Variants in MALRD1 observed in about 807,000 individuals in gnomAD.
MALRD1 encodes the protein MAM and LDL-receptor class A domain-containing protein 1.
A neutral mutation model predicts 242.1 loss-of-function variants in MALRD1; 247 were observed. The ratio of observed to expected loss-of-function variants is 1.02; its 90% CI spans 0.92 to 1.13. The LOEUF (loss-of-function observed/expected upper bound fraction) is 1.13, where lower values mean the gene tolerates loss of function less well. Among genes scored for constraint, MALRD1 ranks in the 50% most tolerant of loss-of-function variants. The probability of loss-of-function intolerance (pLI) is 0.00; values close to 1 mark genes in which losing one functional copy is unlikely to be tolerated. For synonymous variants in MALRD1, 995 were observed against 866.6 expected, an observed-to-expected ratio of 1.15 and a Z score of -2.60; for missense variants, 2,989 against 2,533.1, an observed-to-expected ratio of 1.18 and a Z score of -3.86.
Position 19,414,437 on chromosome 10 carries a change from G to A in MALRD1, c.4845+24828G>A, listed in dbSNP as rs1370681302. On this transcript the variant is annotated intron_variant, in intron 28 of 39. Coordinates refer to ENST00000454679, the MANE Select transcript of MALRD1 (RefSeq NM_001142308.3). ...CATAAAGATCCTAAGTTTTTTATTT[G>A]AGTTATTGGGGTAAAACTTAGGAAA... Among the ~76,000 whole-genome samples the A allele has an allele frequency of 2.0e-5, 3 of 152,236 alleles. No homozygotes were observed. The East Asian group carries it at 5.8e-4, about 29-fold the overall frequency.
chr10:19,285,061 T>C (rs1454339994), intron 21 of MALRD1, among the ~76,000 whole-genome samples: 1 of 124,238 alleles, frequency 8.0e-6, no homozygotes, highest in African/African-American at 3.4e-5. Flanking sequence ...TTTTGAGAAG[T>C]GTCTGTTCAT....
chr10:19,589,641 A>G (rs1367197081), intron 33 of MALRD1, among the ~76,000 whole-genome samples: 1 of 152,016 alleles, frequency 6.6e-6, no homozygotes, highest in Non-Finnish European at 1.5e-5. Flanking sequence ...ATAAAGAAAC[A>G]AACAACCCTA....
chr10:19,452,040 C>T (rs1288112137), intron 29 of MALRD1, among the ~76,000 whole-genome samples: 1 of 152,126 alleles, frequency 6.6e-6, no homozygotes, highest in African/African-American at 2.4e-5. Flanking sequence ...TGAACTCTCT[C>T]CTAGTAACTT....
intron 36 of MALRD1, among the ~76,000 whole-genome samples, chr10:19,638,717 G>A (rs1490405767): frequency 6.6e-6 from 1 of 152,156 alleles, no homozygotes; most frequent in Non-Finnish European, 1.5e-5. Context: ...ATTATGGCAT[G>A]TATTTTAGCC....
rs1589217850 is a variant in MALRD1, at chr10:19,539,852, T to TTGTGTGTG, written c.5478+8505_5478+8506insTGTGTGTG. 1.2e-4 allele frequency among the ~76,000 whole-genome samples: 8 copies of TTGTGTGTG among 64,368 alleles called. No individual in the cohort carries two copies. In the East Asian group the frequency reaches 1.9e-3, roughly 15 times the overall value. The allele number at this position is 64,368 out of a possible 152,430, so 42.2% of individuals were successfully genotyped here. On this transcript the variant is annotated intron_variant, in intron 32 of 39. Transcript: ENST00000454679. The stretch of plus-strand genomic sequence containing the variant: ...CCAGCATGCGCCACCACACCCAGCT[T>TTGTGTGTG]TGTGCGTGTGTGTGTGTGTGTGTGT...
At chr10:19,389,897 A>G (rs1417595146) in intron 28 of MALRD1, among the ~76,000 whole-genome samples, 1 of 152,190 alleles carries the variant, frequency 6.6e-6, no homozygotes, top group Non-Finnish European at 1.5e-5. Flanking sequence ...CCTGGGCTCA[A>G]GCAATCCTCC....
Position 19,517,531 on chromosome 10 carries a change from A to G in MALRD1, c.5321-13663A>G, listed in dbSNP as rs372476925. On this transcript the variant is annotated intron_variant, in intron 31 of 39. Coordinates refer to ENST00000454679, the MANE Select transcript of MALRD1 (RefSeq NM_001142308.3). ...TGTAACTCTAAGTCACCTTTGATAAAGTTCACCCATTTCTGTAGAAAAACA... is the reference window on the plus strand; with the variant it reads ...TGTAACTCTAAGTCACCTTTGATAAGGTTCACCCATTTCTGTAGAAAAACA... 2.1e-3 allele frequency among the ~76,000 whole-genome samples: 319 copies of G among 152,318 alleles called. 1 individual carries two copies. Among genetic ancestry groups the G allele is most frequent in the Middle Eastern group, 6.8e-3 (2 of 294 alleles).
At chr10:19,494,312 C>A (rs1328108840) in intron 30 of MALRD1, among the ~76,000 whole-genome samples, 2 of 152,150 alleles carry the variant, frequency 1.3e-5, no homozygotes, top group African/African-American at 2.4e-5. Flanking sequence ...GTTAAAGGAA[C>A]ATTTGCACAC....
In MALRD1 at chr10:19,357,507, G is replaced by A. The variant is rs143970482; in HGVS notation, c.4441+5210G>A. Among the ~76,000 whole-genome samples the A allele has an allele frequency of 1.4e-4, 22 of 151,926 alleles. No homozygotes were observed. The East Asian group carries it at 3.5e-3, about 24-fold the overall frequency. ...AAGCACGTTTCTTTTATTTGCTTTG[G>A]CAAAATTATATTTCTTGCACATATC... On this transcript the variant is annotated intron_variant, in intron 26 of 39. Transcript: ENST00000454679.
intron 36 of MALRD1, among the ~76,000 whole-genome samples, chr10:19,640,730 AT>A (rs1408411155): frequency 6.6e-6 from 1 of 152,058 alleles, no homozygotes; most frequent in Non-Finnish European, 1.5e-5. Flanking sequence ...TTAAAATTTC[AT>A]TTTTTGAACT....
intron 33 of MALRD1, among the ~76,000 whole-genome samples, chr10:19,589,052 A>C (rs1040612926): frequency 1.3e-5 from 2 of 152,206 alleles, no homozygotes; most frequent in African/African-American, 2.4e-5. Flanking sequence ...TTTATTGTAC[A>C]TTTTAAGCGT....
At chr10:19,592,728 G>GACAC (rs71949886) in intron 33 of MALRD1, among the ~76,000 whole-genome samples, 4,214 of 123,728 alleles carry the variant, frequency 0.034, 178 homozygotes, top group African/African-American at 0.11. Context: ...AAAATATAAA[G>GACAC]ACACACACAC....
chr10:19,480,971 C>A (rs892359654), intron 29 of MALRD1, among the ~76,000 whole-genome samples: 1 of 151,852 alleles, frequency 6.6e-6, no homozygotes, highest in Non-Finnish European at 1.5e-5. Flanking sequence ...AAAATATATC[C>A]ATGCACAAAA....
intron 1 of MALRD1, among the ~76,000 whole-genome samples, chr10:19,061,606 G>A (rs1412405788): frequency 1.3e-5 from 2 of 152,122 alleles, no homozygotes; most frequent in Non-Finnish European, 2.9e-5. Flanking sequence ...CTAGACCATG[G>A]AATAGAATAG....
At chr10:19,370,922 T>A (rs981112856) in intron 26 of MALRD1, among the ~76,000 whole-genome samples, 2 of 151,920 alleles carry the variant, frequency 1.3e-5, no homozygotes, top group Admixed American at 1.3e-4. Context: ...TCTTTATAAT[T>A]TAAAATTATA....
chr10:19,427,543 A>G (rs1833948455), intron 28 of MALRD1, among the ~76,000 whole-genome samples: 1 of 152,164 alleles, frequency 6.6e-6, no homozygotes, highest in Non-Finnish European at 1.5e-5. Context: ...TCTAGTTCCT[A>G]GTAGTGGATG....
At chr10:19,230,390 G>C (rs928618970) in intron 18 of MALRD1, among the ~76,000 whole-genome samples, 14 of 152,042 alleles carry the variant, frequency 9.2e-5, no homozygotes, top group Non-Finnish European at 1.6e-4. Context: ...CTGCTTCCAG[G>C]GGGGGCCTCA....
At position 19,175,294 on chromosome 10, in the gene MALRD1, T is replaced by A; in HGVS notation, c.1917T>A (p.Tyr639Ter). Residue 639 changes from tyrosine to a stop codon, truncating the protein, a stop_gained, in exon 14 of 40, where the codon TAT becomes TAA. Transcript: ENST00000454679. LOFTEE classifies it high-confidence loss of function. ...TGTCCCAGGAATGTGAAATTTCCTA[T>A]AAATCACTACCAAGGACCAGTACAC... ...ISVSQECEIS[Y>*]KSLPRTSTQS... 8.1e-7 allele frequency: 1 copy of A among 1,230,676 alleles called. No individual in the cohort carries two copies. The allele number at this position is 1,230,676 out of a possible 1,614,324, so 76.2% of individuals were successfully genotyped here.
At chr10:19,285,552 C>A (rs1334076483) in intron 21 of MALRD1, among the ~76,000 whole-genome samples, 1 of 151,848 alleles carries the variant, frequency 6.6e-6, no homozygotes, top group Admixed American at 6.6e-5. Context: ...CGTCAAAGAT[C>A]ACATAGTTGT....
Sources: gnomAD v4.1 joint callset for allele counts (sites outside exome capture counted in the v4.1 genomes callset) on GRCh38, gnomAD v4.1.1 for gene constraint, MANE v1.5 for transcripts, NCBI Gene and HGNC (gene_info 2026-07-23, HGNC 2026-07-21) for gene names.